Variants in ADAM12 observed in about 807,000 individuals in gnomAD.
ADAM12 encodes ADAM metallopeptidase domain 12.
A neutral mutation model predicts 106.4 loss-of-function variants in ADAM12; 70 were observed. That is an observed-to-expected ratio of 0.66 (90% CI 0.54 to 0.80). ADAM12 has a LOEUF of 0.80. Ranked by LOEUF, ADAM12 falls within the 30% of genes least tolerant of loss-of-function variation. The pLI is 0.00. For missense variants in ADAM12, 1,010 were observed against 1,171.9 expected, an observed-to-expected ratio of 0.86 and a Z score of 2.02; for synonymous variants, 420 against 433.5, an observed-to-expected ratio of 0.97 and a Z score of 0.39.
At chr10:126,303,788 C>A (rs952090331) in intron 2 of ADAM12, among the ~76,000 whole-genome samples, 1 of 152,076 alleles carries the variant, frequency 6.6e-6, no homozygotes, top group Admixed American at 6.6e-5. Context: ...TGATGCCTCA[C>A]CTTGTTTGTC....
At chr10:126,223,696 G>A (rs1422786963) in intron 3 of ADAM12, among the ~76,000 whole-genome samples, 1 of 152,172 alleles carries the variant, frequency 6.6e-6, no homozygotes, top group African/African-American at 2.4e-5. Flanking sequence ...GCCAGGCTCA[G>A]GGACAGACAC....
At chr10:126,019,442 T>C (rs570447895) in intron 22 of ADAM12, among the ~76,000 whole-genome samples, 1 of 152,246 alleles carries the variant, frequency 6.6e-6, no homozygotes, top group Non-Finnish European at 1.5e-5. Context: ...TGTAGTTTTA[T>C]GACATCTTGA....
At chr10:126,258,230 A>G (rs1958931448) in intron 3 of ADAM12, among the ~76,000 whole-genome samples, 1 of 152,158 alleles carries the variant, frequency 6.6e-6, no homozygotes, top group African/African-American at 2.4e-5. Context: ...TTACAAAAAC[A>G]CTTTTATTTG....
chr10:126,049,421 T>C lies in ADAM12; in HGVS notation c.1749A>G (p.Gln583=). The C allele has an allele frequency of 6.2e-7, 1 of 1,614,170 alleles. No homozygotes were observed. The change falls in exon 16 of 23, where the codon CAA becomes CAG. Residue 583 remains glutamine, a synonymous_variant. Coordinates refer to ENST00000448723, the MANE Select transcript of ADAM12 (RefSeq NM_001288973.2). The surrounding 1 kb of genome is among the most constrained non-coding windows in gnomAD (Gnocchi z 4.4). ...RDAKCGKIQC[Q]GGASRPVIGT... ...CAATGACTGGCCGGCTGGCACCTCC[T>C]TGACACTGGATTTTTCCACATTTAG...
At chr10:126,136,972 C>G (rs1005811550) in intron 4 of ADAM12, among the ~76,000 whole-genome samples, 9 of 152,098 alleles carry the variant, frequency 5.9e-5, no homozygotes, top group African/African-American at 2.2e-4. Flanking sequence ...AATCTAAATG[C>G]ATTTGTCGCT....
At chr10:126,041,235 T>G (rs1590322585) in intron 18 of ADAM12, 1 of 676,206 alleles carries the variant, frequency 1.5e-6, no homozygotes, top group Non-Finnish European at 1.8e-6. Context: ...GACACACAAG[T>G]ACTTGTTTAA....
At chr10:126,239,949 A>G (rs960723389) in intron 3 of ADAM12, among the ~76,000 whole-genome samples, 1 of 152,182 alleles carries the variant, frequency 6.6e-6, no homozygotes, top group South Asian at 2.1e-4. Flanking sequence ...ACACCCAATC[A>G]CTGGGTGTCC....
At chr10:126,275,590 T>C (rs1209059975) in intron 3 of ADAM12, among the ~76,000 whole-genome samples, 1 of 152,182 alleles carries the variant, frequency 6.6e-6, no homozygotes, top group African/African-American at 2.4e-5. Flanking sequence ...CGCTTTAATT[T>C]AGGTTGTGGT....
At chr10:126,150,669 TTCAC>T (rs983190154) in intron 4 of ADAM12, among the ~76,000 whole-genome samples, 1 of 152,192 alleles carries the variant, frequency 6.6e-6, no homozygotes, top group African/African-American at 2.4e-5. Flanking sequence ...AGGCAAAATT[TTCAC>T]TAACTACAAT....
intron 4 of ADAM12, among the ~76,000 whole-genome samples, chr10:126,140,849 G>A (rs1430493700): frequency 6.6e-6 from 1 of 152,190 alleles, no homozygotes; most frequent in Non-Finnish European, 1.5e-5. Context: ...TGGGAAATTT[G>A]ATTATGGGGA....
chr10:126,143,681 T>C (rs1272783796), intron 4 of ADAM12, among the ~76,000 whole-genome samples: 1 of 151,298 alleles, frequency 6.6e-6, no homozygotes, highest in Non-Finnish European at 1.5e-5. Flanking sequence ...TGTATGTGCA[T>C]ATATGGGTGT....
chr10:126,022,279 A>G (rs1953782876), intron 21 of ADAM12, among the ~76,000 whole-genome samples: 1 of 152,228 alleles, frequency 6.6e-6, no homozygotes, highest in Non-Finnish European at 1.5e-5. Flanking sequence ...TGGTCACCAT[A>G]GTGATGAAAA....
intron 16 of ADAM12, among the ~76,000 whole-genome samples, chr10:126,046,801 CAAAAAAAAA>C (rs60056450): frequency 6.0e-5 from 3 of 49,918 alleles, no homozygotes; most frequent in Admixed American, 2.3e-4. Context: ...GATTCCGTCT[CAAAAAAAAA>C]AAAAAAAAAA....
intron 3 of ADAM12, among the ~76,000 whole-genome samples, chr10:126,272,335 AT>A (rs547633347): frequency 1.2e-3 from 189 of 152,374 alleles, no homozygotes; most frequent in Non-Finnish European, 2.2e-3. Flanking sequence ...GATAATTAAT[AT>A]GACAGATGAT....
intron 1 of ADAM12, among the ~76,000 whole-genome samples, chr10:126,355,445 G>T (rs1855507383): frequency 6.6e-6 from 1 of 152,248 alleles, no homozygotes; most frequent in Non-Finnish European, 1.5e-5. Flanking sequence ...ATTATCTACA[G>T]ACAGGAACAT....
intron 5 of ADAM12, among the ~76,000 whole-genome samples, chr10:126,122,879 C>A (rs1009166332): frequency 1.3e-5 from 2 of 152,210 alleles, no homozygotes; most frequent in Admixed American, 1.3e-4. Context: ...TATTTTACAT[C>A]GGATCTAAAT....
At chr10:126,107,857 G>C (rs947970839) in intron 8 of ADAM12, among the ~76,000 whole-genome samples, 10 of 152,242 alleles carry the variant, frequency 6.6e-5, no homozygotes, top group African/African-American at 2.4e-4. Flanking sequence ...TTTAGGCTAA[G>C]GGTCGTCAGC....
At chr10:126,103,303 C>G (rs766120634) in intron 8 of ADAM12, among the ~76,000 whole-genome samples, 13 of 152,166 alleles carry the variant, frequency 8.5e-5, no homozygotes, top group Non-Finnish European at 1.8e-4. Context: ...CACATCAAGT[C>G]ATCATACATG....
At chr10:126,347,124 T>G (rs1438135773) in intron 1 of ADAM12, among the ~76,000 whole-genome samples, 1 of 152,228 alleles carries the variant, frequency 6.6e-6, no homozygotes, top group Non-Finnish European at 1.5e-5. Context: ...GCCTCAATGG[T>G]CTTTACAATT....
Sources: allele counts gnomAD v4.1 joint callset (sites outside exome capture counted in the v4.1 genomes callset), GRCh38; gene constraint gnomAD v4.1.1; non-coding constraint Gnocchi (gnomAD v3.1); transcripts MANE v1.5; gene names NCBI Gene and HGNC (gene_info 2026-07-23, HGNC 2026-07-21).